SLCO3A1: variants seen among roughly 807,000 people sequenced by gnomAD.
SLCO3A1 encodes solute carrier organic anion transporter family member 3A1.
In SLCO3A1, 27 loss-of-function variants were observed where a neutral mutation model predicts 63.1. That is an observed-to-expected ratio of 0.43 (90% CI 0.32 to 0.59). The LOEUF is 0.59. SLCO3A1 is among the 20% of genes least tolerant of loss of function. SLCO3A1 has a pLI of 0.09. For missense variants in SLCO3A1, 773 were observed against 945.8 expected (o/e 0.82, Z 2.40); for synonymous variants, 473 against 409.9 (o/e 1.15, Z -1.86).
intron 2 of SLCO3A1, among the ~76,000 whole-genome samples, chr15:92,069,354 T>G (rs2047189688): frequency 6.6e-6 from 1 of 152,144 alleles, no homozygotes; most frequent in Non-Finnish European, 1.5e-5. Context: ...TTCAGTGCAG[T>G]GTGATAGGAG....
intron 2 of SLCO3A1, among the ~76,000 whole-genome samples, chr15:91,929,248 G>T (rs1050920624): frequency 2.0e-5 from 3 of 152,182 alleles, no homozygotes; most frequent in Non-Finnish European, 2.9e-5. Context: ...GCAAAGGCAG[G>T]CCTCCTTAAG....
chr15:91,996,520 G>A (rs1449591969), intron 2 of SLCO3A1, among the ~76,000 whole-genome samples: 1 of 152,106 alleles, frequency 6.6e-6, no homozygotes, highest in Non-Finnish European at 1.5e-5. Flanking sequence ...ATGTGGCAAA[G>A]TAGATGACCA....
chr15:91,926,558 C>CGTGTGTGTGTGTGTGT lies in SLCO3A1; in HGVS notation c.646+10124_646+10139dup, dbSNP rs565234731. Among the ~76,000 whole-genome samples, 1,154 of 125,964 alleles carry CGTGTGTGTGTGTGTGT rather than the reference C, an allele frequency of 9.2e-3. 11 individuals are homozygous for CGTGTGTGTGTGTGTGT. Among genetic ancestry groups the CGTGTGTGTGTGTGTGT allele is most frequent in the Middle Eastern group, 0.034 (8 of 234 alleles). 82.6% of individuals were successfully genotyped at this position (125,964 alleles called of 152,430 possible). On this transcript the variant is annotated intron_variant, in intron 2 of 9. Coordinates refer to ENST00000318445, the MANE Select transcript of SLCO3A1 (RefSeq NM_013272.4). The stretch of plus-strand genomic sequence containing the variant: ...CTTTGCCATTTCATTCCTGCCAAGC[C>CGTGTGTGTGTGTGTGT]GTGTGTGTGTGTGTGTGTGTGTGTG...
chr15:92,102,158 T>C (rs148503093), intron 3 of SLCO3A1, among the ~76,000 whole-genome samples: 78 of 152,258 alleles, frequency 5.1e-4, no homozygotes, highest in Admixed American at 2.0e-3. Context: ...TTCAGCTCCC[T>C]TTTGCTGTCT....
At chr15:91,905,745 G>A (rs1163251421) in intron 1 of SLCO3A1, among the ~76,000 whole-genome samples, 1 of 151,950 alleles carries the variant, frequency 6.6e-6, no homozygotes, top group Non-Finnish European at 1.5e-5. Context: ...TAAAAGTCTT[G>A]TAAAGAAAAC....
At chr15:91,928,753 A>C (rs556915725) in intron 2 of SLCO3A1, among the ~76,000 whole-genome samples, 1 of 152,208 alleles carries the variant, frequency 6.6e-6, no homozygotes, top group African/African-American at 2.4e-5. Flanking sequence ...AAAAACTCTC[A>C]TCAGATAAAG....
rs1327261240 is a variant in SLCO3A1 at position 91,860,198 on chromosome 15, T to TC, written c.180+6112dup. Among the ~76,000 whole-genome samples, 1 of 152,056 alleles carries TC rather than the reference T, an allele frequency of 6.6e-6. No homozygotes were observed. Among genetic ancestry groups the TC allele is most frequent in the African/African-American group, 2.4e-5 (1 of 41,394 alleles). On this transcript the variant is annotated intron_variant, in intron 1 of 9. Transcript: ENST00000318445. The surrounding 1 kb of genome is among the most constrained non-coding windows in gnomAD (Gnocchi z 5.5). ...TACCCTGATGCTTCACTTTGGGAGG[T>TC]CCTCAGTATCTCTTGCTGTGGTCTG...
intron 2 of SLCO3A1, among the ~76,000 whole-genome samples, chr15:91,957,116 A>ATTATATATATAATATATAGTATATATATT (rs1271110657): frequency 1.7e-4 from 2 of 11,884 alleles, no homozygotes; most frequent in African/African-American, 2.5e-3. Context: ...ATATATATAT[A>ATTATATATATAATATATAGTATATATATT]ATATATATAA....
At chr15:92,003,790 C>A (rs2046282676) in intron 2 of SLCO3A1, among the ~76,000 whole-genome samples, 1 of 152,176 alleles carries the variant, frequency 6.6e-6, no homozygotes, top group South Asian at 2.1e-4. Flanking sequence ...CAGAAGATGA[C>A]ACCAGGTCAG....
At chr15:91,922,641 G>A (rs1898888251) in intron 2 of SLCO3A1, among the ~76,000 whole-genome samples, 1 of 152,124 alleles carries the variant, frequency 6.6e-6, no homozygotes, top group Admixed American at 6.5e-5. Context: ...CGTGGATTGG[G>A]TATGGATCAA....
intron 1 of SLCO3A1, among the ~76,000 whole-genome samples, chr15:91,904,454 G>A (rs143129985): frequency 4.6e-5 from 7 of 152,224 alleles, no homozygotes; most frequent in Admixed American, 1.3e-4. Flanking sequence ...CTGGGCTTCC[G>A]GTTCCTCCTA....
chr15:92,019,741 C>T (rs1266327282), intron 2 of SLCO3A1, among the ~76,000 whole-genome samples: 3 of 152,158 alleles, frequency 2.0e-5, no homozygotes, highest in South Asian at 2.1e-4. Context: ...TCCCTTTTCC[C>T]GAGGATGAAC....
At chr15:92,003,982 A>G (rs2046285094) in intron 2 of SLCO3A1, among the ~76,000 whole-genome samples, 1 of 152,222 alleles carries the variant, frequency 6.6e-6, no homozygotes, top group African/African-American at 2.4e-5. Context: ...GGATTCTGAT[A>G]ATCGTCCAGA....
chr15:91,874,653 TC>T (rs1315601846), intron 1 of SLCO3A1, among the ~76,000 whole-genome samples: 1 of 152,230 alleles, frequency 6.6e-6, no homozygotes, highest in African/African-American at 2.4e-5. Flanking sequence ...GATGGACACT[TC>T]CGTTGCTTCC....
In SLCO3A1 at chr15:91,893,427, A is replaced by C. The variant is rs370058517; in HGVS notation, c.181-22566A>C. On this transcript the variant is annotated intron_variant, in intron 1 of 9. Coordinates refer to ENST00000318445, the MANE Select transcript of SLCO3A1 (RefSeq NM_013272.4). ...AAGTCCAAGATCAAAGTACTGGCTG[A>C]TCTGGTATCTGGTAAGGGCCTGCTT... Among the ~76,000 whole-genome samples, 50 of 152,328 alleles carry C rather than the reference A, an allele frequency of 3.3e-4. 1 individual carries two copies. In the South Asian group the frequency reaches 0.01, roughly 31 times the overall value.
At chr15:92,100,543 C>G (rs1163690171) in intron 3 of SLCO3A1, among the ~76,000 whole-genome samples, 1 of 152,170 alleles carries the variant, frequency 6.6e-6, no homozygotes, top group Non-Finnish European at 1.5e-5. Context: ...GCAGCCCTTG[C>G]CAGAAGGCTG....
intron 2 of SLCO3A1, among the ~76,000 whole-genome samples, chr15:92,030,818 C>A (rs62011580): frequency 0.14 from 21,152 of 152,116 alleles, 1,840 homozygotes; most frequent in Admixed American, 0.29. Context: ...CCGGTGAGTA[C>A]ACTACTGAAC....
At chr15:92,079,040 G>A (rs1019867972) in intron 2 of SLCO3A1, among the ~76,000 whole-genome samples, 4 of 152,214 alleles carry the variant, frequency 2.6e-5, no homozygotes, top group African/African-American at 7.2e-5. Flanking sequence ...TGCTAGGCAC[G>A]GTGAGGGGGT....
chr15:92,048,503 A>G (rs900040076), intron 2 of SLCO3A1, among the ~76,000 whole-genome samples: 3 of 152,076 alleles, frequency 2.0e-5, no homozygotes, highest in Non-Finnish European at 4.4e-5. Flanking sequence ...CTTGGAAGTG[A>G]CCTGTGTAGA....
Sources: allele counts gnomAD v4.1 joint callset (sites outside exome capture counted in the v4.1 genomes callset), GRCh38; gene constraint gnomAD v4.1.1; non-coding constraint Gnocchi (gnomAD v3.1); transcripts MANE v1.5; gene names NCBI Gene and HGNC (gene_info 2026-07-23, HGNC 2026-07-21).